The following GNAI1 variants were observed in gnomAD, a reference collection of about 807,000 sequenced individuals.
The protein encoded by GNAI1 is G protein subunit alpha i1.
GNAI1 carries 11 observed loss-of-function variants against 38.9 expected under a neutral mutation model. The ratio of observed to expected loss-of-function variants is 0.28; its 90% confidence interval spans 0.18 to 0.47. GNAI1 has a LOEUF of 0.47. GNAI1 is among the 20% of genes least tolerant of loss of function. The pLI, the probability that GNAI1 is intolerant of heterozygous loss-of-function variation, is 0.99. For synonymous variants in GNAI1, 166 were observed against 145.1 expected (o/e 1.14, Z -1.04); for missense variants, 317 against 436.9 (o/e 0.73, Z 2.45).
Position 80,220,119 on chromosome 7 carries a change from TTAAGTA to T in GNAI1, c.*2632_*2637del, listed in dbSNP as rs887670978. Among the ~76,000 whole-genome samples, 45 of 152,306 alleles carry T rather than the reference TTAAGTA, an allele frequency of 3.0e-4. 1 individual carries two copies. Among genetic ancestry groups the T allele is most frequent in the African/African-American group, 9.6e-4 (40 of 41,560 alleles). On this transcript the variant is annotated 3_prime_UTR_variant, in exon 8 of 8. Transcript: ENST00000649796. ...CATTGGCTCTGATTTGTCAATAAAA[TTAAGTA>T]TAAGTTAGCCTGCCATTTAATGCTC...
At position 80,215,167 on chromosome 7, in the gene GNAI1, A is replaced by C. The variant is rs77886007; in HGVS notation, c.875-2136A>C. Among the ~76,000 whole-genome samples, 3 of 152,138 alleles carry C rather than the reference A, an allele frequency of 2.0e-5. No individual in the cohort carries two copies. The East Asian group carries it at 5.8e-4, about 29-fold the overall frequency. On this transcript the variant is annotated intron_variant, in intron 7 of 7. Coordinates refer to ENST00000649796, the MANE Select transcript of GNAI1 (RefSeq NM_002069.6). ...TCTATCACACATTAAAAAACAATCT[A>C]TCATATTTGCTCTCCTGTCCCTGCT...
intron 7 of GNAI1, 65 bp from the exon 8 acceptor site, chr7:80,217,238 A>AGTTTCATATGTATGAAACTGAG: frequency 6.2e-6 from 2 of 323,774 alleles, no homozygotes; most frequent in Non-Finnish European, 9.1e-6. Flanking sequence ...ATGAAACTGA[A>AGTTTCATATGTATGAAACTGAG]TTCAGTATTT....
rs147712624 is a variant in GNAI1, at chr7:80,220,692, A to G, written c.*3199A>G. ...ACTGAAAAAGTACTGATTAAAATCC[A>G]TATGTTCTCATTGAATACTGACAGT... is the stretch of plus-strand genomic sequence containing the variant. On this transcript the variant is annotated 3_prime_UTR_variant, in exon 8 of 8. Coordinates refer to ENST00000649796, the MANE Select transcript of GNAI1 (RefSeq NM_002069.6). Among the ~76,000 whole-genome samples, 3 of 152,320 alleles carry G rather than the reference A, an allele frequency of 2.0e-5. No homozygotes were observed. The highest frequency in any genetic ancestry group is 3.9e-4 in the East Asian group (2 of 5,180).
At chr7:80,217,264 AC>A (rs1266962014) in intron 7 of GNAI1, 38 bp from the exon 8 acceptor site, 1 of 1,330,446 alleles carries the variant, frequency 7.5e-7, no homozygotes, top group South Asian at 1.5e-5. Context: ...AGTTATTTTA[AC>A]TTTTTGCATT....
In GNAI1 at chr7:80,152,405, C is replaced by T. The variant is rs79952603; in HGVS notation, c.118+17127C>T. Among the ~76,000 whole-genome samples, 495 of 152,112 alleles carry T rather than the reference C, an allele frequency of 3.3e-3. 5 individuals carry two copies. Among genetic ancestry groups the T allele is most frequent in the African/African-American group, 0.01 (423 of 41,418 alleles). The stretch of plus-strand genomic sequence containing the variant: ...TTAATAACTACAACACCATTATTAA[C>T]TGATATACCCAACAGGTGTTTTAAC... On this transcript the variant is annotated intron_variant, in intron 1 of 7. Transcript: ENST00000649796.
At chr7:80,188,380 A>C (rs1788424130) in intron 1 of GNAI1, among the ~76,000 whole-genome samples, 1 of 152,160 alleles carries the variant, frequency 6.6e-6, no homozygotes, top group African/African-American at 2.4e-5. Flanking sequence ...GAGAAGACTG[A>C]ATTTTTTAAT....
At chr7:80,213,994 C>T (rs1180097877) in intron 7 of GNAI1, among the ~76,000 whole-genome samples, 1 of 152,064 alleles carries the variant, frequency 6.6e-6, no homozygotes, top group African/African-American at 2.4e-5. Context: ...TATCCCTACC[C>T]ATACAAATGA....
chr7:80,184,382 C>G (rs1263919315), intron 1 of GNAI1, among the ~76,000 whole-genome samples: 1 of 152,162 alleles, frequency 6.6e-6, no homozygotes, highest in Non-Finnish European at 1.5e-5. Context: ...TCCCCTGATT[C>G]TTCCCTTGGG....
At chr7:80,180,668 A>G (rs10230368) in intron 1 of GNAI1, among the ~76,000 whole-genome samples, 53,123 of 151,818 alleles carry the variant, frequency 0.35, 9,971 homozygotes, top group African/African-American at 0.49. Flanking sequence ...ACAGAAAGCA[A>G]CCTCATACCT....
rs7783639 is a variant in GNAI1, at chr7:80,220,125, A to G, written c.*2632A>G. ...CTCTGATTTGTCAATAAAATTAAGT[A>G]TAAGTTAGCCTGCCATTTAATGCTC... On this transcript the variant is annotated 3_prime_UTR_variant, in exon 8 of 8. Transcript: ENST00000649796. Among the ~76,000 whole-genome samples, 8,728 of 152,168 alleles carry G rather than the reference A, an allele frequency of 0.057. 845 individuals are homozygous for G. Among genetic ancestry groups the G allele is most frequent in the African/African-American group, 0.19 (8,033 of 41,438 alleles).
chr7:80,181,009 G>A (rs1342308169), intron 1 of GNAI1, among the ~76,000 whole-genome samples: 1 of 151,816 alleles, frequency 6.6e-6, no homozygotes, highest in Non-Finnish European at 1.5e-5. Flanking sequence ...AATCTTTCTT[G>A]ATAGCTTTCA....
intron 1 of GNAI1, among the ~76,000 whole-genome samples, chr7:80,151,192 C>A (rs1427609060): frequency 6.6e-6 from 1 of 152,196 alleles, no homozygotes; most frequent in Non-Finnish European, 1.5e-5. Context: ...TCCACCCTTA[C>A]CTGTTTCCAG....
At chr7:80,214,049 G>C (rs1174171133) in intron 7 of GNAI1, among the ~76,000 whole-genome samples, 2 of 152,028 alleles carry the variant, frequency 1.3e-5, no homozygotes, top group Non-Finnish European at 2.9e-5. Flanking sequence ...CCAGACCCAA[G>C]TCCATTGTCC....
chr7:80,177,416 A>G (rs79619937), intron 1 of GNAI1, among the ~76,000 whole-genome samples: 1,594 of 152,238 alleles, frequency 0.01, 26 homozygotes, highest in African/African-American at 0.035. Flanking sequence ...TCTTTTCAAT[A>G]TATTTCTGCT....
chr7:80,216,733 A>T (rs555103458), intron 7 of GNAI1, among the ~76,000 whole-genome samples: 1 of 152,278 alleles, frequency 6.6e-6, no homozygotes, highest in South Asian at 2.1e-4. Flanking sequence ...ACTCAGAGGA[A>T]GTCTTTTATA....
intron 1 of GNAI1, among the ~76,000 whole-genome samples, chr7:80,183,524 C>T (rs1411844243): frequency 1.3e-5 from 2 of 151,988 alleles, no homozygotes; most frequent in African/African-American, 4.8e-5. Context: ...GCTAAATCCC[C>T]ATGTTGTAGC....
intron 1 of GNAI1, among the ~76,000 whole-genome samples, chr7:80,181,700 T>C (rs1788295352): frequency 6.6e-6 from 1 of 152,204 alleles, no homozygotes; most frequent in South Asian, 2.1e-4. Context: ...CACATAAATG[T>C]ATTCTTTCAT....
At position 80,224,579 on chromosome 7, in the gene GNAI1, C is replaced by CTG. The variant is rs1789128695; in HGVS notation, c.*7087_*7088dup. ...AGTGCAGCATGTCCAACAGCATTGCCTGAACAGATGTTAATAAGTATGCAT... is the reference window on the plus strand; with the variant it reads ...AGTGCAGCATGTCCAACAGCATTGCCTGTGAACAGATGTTAATAAGTATGCAT... On this transcript the variant is annotated 3_prime_UTR_variant, in exon 8 of 8. Transcript: ENST00000649796. Among the ~76,000 whole-genome samples, 3 of 152,202 alleles carry CTG rather than the reference C, an allele frequency of 2.0e-5. No homozygotes were observed. The highest frequency in any genetic ancestry group is 2.9e-5 in the Non-Finnish European group (2 of 68,044).
At chr7:80,211,738 T>C (rs1216069098) in intron 6 of GNAI1, among the ~76,000 whole-genome samples, 1 of 152,136 alleles carries the variant, frequency 6.6e-6, no homozygotes, top group South Asian at 2.1e-4. Flanking sequence ...TTAATATATG[T>C]TATGCTTTGT....
Sources: allele counts gnomAD v4.1 joint callset (sites outside exome capture counted in the v4.1 genomes callset), GRCh38; gene constraint gnomAD v4.1.1; transcripts MANE v1.5; gene names NCBI Gene and HGNC (gene_info 2026-07-23, HGNC 2026-07-21).